The following SNED1 variants were observed in gnomAD, a reference collection of about 807,000 sequenced individuals.
SNED1 encodes the protein sushi, nidogen and EGF like domains 1, also known as sushi, nidogen and EGF-like domain-containing protein 1.
In SNED1, 81 loss-of-function variants were observed where a neutral mutation model predicts 166.7. The observed-to-expected ratio is 0.49, with a 90% CI of 0.41 to 0.58. The LOEUF (loss-of-function observed/expected upper bound fraction) is 0.58, where lower values mean the gene tolerates loss of function less well. Ranked by LOEUF, SNED1 falls within the 20% of genes least tolerant of loss-of-function variation. The pLI is 0.00. For synonymous variants in SNED1, 762 were observed against 822.0 expected, an observed-to-expected ratio of 0.93 and a Z score of 1.25; for missense variants, 1,604 against 2,000.2, an observed-to-expected ratio of 0.80 and a Z score of 3.78.
chr2:241,071,325 C>A, intron 24 of SNED1: 1 of 579,566 alleles, frequency 1.7e-6, no homozygotes, highest in South Asian at 2.0e-5. Flanking sequence ...CTCATGACTC[C>A]CAGGCCAGTG....
chr2:241,023,888 C>CTTTTTTTTTTTTTTTTTTTTT (rs34234341), intron 1 of SNED1, among the ~76,000 whole-genome samples: 17 of 92,008 alleles, frequency 1.8e-4, no homozygotes, highest in Non-Finnish European at 3.1e-4. Context: ...TTTTTTTTTC[C>CTTTTTTTTTTTTTTTTTTTTT]TTTTTTTTTT....
chr2:241,017,598 C>A (rs892353941), intron 1 of SNED1, among the ~76,000 whole-genome samples: 13 of 152,250 alleles, frequency 8.5e-5, no homozygotes, highest in African/African-American at 3.1e-4. Flanking sequence ...GCCTCTCTTA[C>A]CAAGCTACCT....
chr2:241,048,190 G>A lies in SNED1; in HGVS notation c.1274-125G>A, dbSNP rs1029798589. The A allele has an allele frequency of 6.0e-6, 7 of 1,167,716 alleles. No individual in the cohort carries two copies. The African/African-American group carries it at 7.8e-5, about 13-fold the overall frequency. The allele number at this position is 1,167,716 out of a possible 1,614,324, so 72.3% of individuals were successfully genotyped here. A position where few individuals can be genotyped will look rare whatever the true frequency, so the allele number is the denominator to read the frequency against. ...AATCCATTTCCAGAAATAAGCTTCT[G>A]GCTTAAATTCCACTTGGGAATGACA... is the stretch of plus-strand genomic sequence containing the variant. On this transcript the variant is annotated intron_variant, in intron 8 of 31. Coordinates refer to ENST00000310397, the MANE Select transcript of SNED1 (RefSeq NM_001080437.3).
At chr2:241,024,458 A>C (rs1286515996) in intron 1 of SNED1, among the ~76,000 whole-genome samples, 1 of 150,000 alleles carries the variant, frequency 6.7e-6, no homozygotes, top group African/African-American at 2.4e-5. Flanking sequence ...TATGTTGGCC[A>C]GGCTGGTCTT....
At chr2:241,001,470 G>A (rs747380097) in intron 1 of SNED1, among the ~76,000 whole-genome samples, 5 of 152,332 alleles carry the variant, frequency 3.3e-5, no homozygotes, top group South Asian at 4.1e-4. Context: ...GTGGTAAGTC[G>A]TAAGGCTCTG....
At chr2:241,085,405 G>A (rs973786378) in intron 29 of SNED1, among the ~76,000 whole-genome samples, 5 of 152,212 alleles carry the variant, frequency 3.3e-5, no homozygotes, top group African/African-American at 1.2e-4. Flanking sequence ...TTAATACTGT[G>A]TTTTATCATC....
rs1020734015 is a variant in SNED1 at position 240,999,244 on chromosome 2, G to C, written c.213+194G>C. On this transcript the variant is annotated intron_variant, in intron 1 of 31. Transcript: ENST00000310397. This position sits in a 1 kb window ranked among gnomAD's most constrained non-coding sequence, Gnocchi z 5.8. ...GCCCGCGGGAGAGGCGCGCGGGCGG[G>C]GCGGGGGCGGCAGCCGCCGGGCACC... Among the ~76,000 whole-genome samples the C allele has an allele frequency of 6.7e-6, 1 of 149,876 alleles. No individual in the cohort carries two copies. Among genetic ancestry groups the C allele is most frequent in the Non-Finnish European group, 1.5e-5 (1 of 67,208 alleles).
intron 29 of SNED1, among the ~76,000 whole-genome samples, chr2:241,084,625 A>G (rs761190197): frequency 2.6e-5 from 4 of 152,202 alleles, no homozygotes; most frequent in Non-Finnish European, 5.9e-5. Context: ...GAACTGCACT[A>G]TACGTTATTT....
chr2:241,094,426 G>A lies in SNED1; in HGVS notation c.*2790G>A, dbSNP rs1358946815. ...TTTCTTTGCAGTCACGCTGTAAGAC[G>A]AGGCTGCTGGAGAAAACAAAAGCAC... On this transcript the variant is annotated 3_prime_UTR_variant, in exon 32 of 32. Coordinates refer to ENST00000310397, the MANE Select transcript of SNED1 (RefSeq NM_001080437.3). The surrounding 1 kb of genome is among the most constrained non-coding windows in gnomAD (Gnocchi z 4.3). 5 of 470,864 alleles carry A rather than the reference G, an allele frequency of 1.1e-5. No individual in the cohort carries two copies. In the East Asian group the frequency reaches 2.1e-4, roughly 20 times the overall value. The allele number at this position is 470,864 out of a possible 1,614,324, so 29.2% of individuals were successfully genotyped here.
In SNED1 at chr2:241,064,096, A is replaced by T; in HGVS notation, c.2570A>T (p.Glu857Val). The part of the protein sequence containing the change: ...GGGAYLCVCP[E>V]SFFGYHCETV... The stretch of plus-strand genomic sequence containing the variant: ...GGGGCCTACCTGTGCGTCTGCCCAG[A>T]GAGCTTCTTCGGCTACCACTGCGAG... Residue 857 changes from glutamate (E) to valine (V), a missense_variant, in exon 19 of 32, where the codon GAG (glutamate) becomes GTG (valine). By Grantham distance (121) the Glu-to-Val change is moderately radical. Transcript: ENST00000310397. This position sits in a 1 kb window ranked among gnomAD's most constrained non-coding sequence, Gnocchi z 7.0. 3 of 1,567,582 alleles carry T rather than the reference A, an allele frequency of 1.9e-6. No homozygotes were observed. Among genetic ancestry groups the T allele is most frequent in the Non-Finnish European group, 2.6e-6 (3 of 1,157,846 alleles).
At chr2:241,062,085 CAAAAACA>C (rs1367944892) in intron 16 of SNED1, among the ~76,000 whole-genome samples, 2 of 152,094 alleles carry the variant, frequency 1.3e-5, no homozygotes, top group Non-Finnish European at 2.9e-5. Flanking sequence ...TCATAAACAA[CAAAAACA>C]TTCACTATTG....
chr2:241,052,355 C>A lies in SNED1; in HGVS notation c.1970C>A (p.Ala657Asp). 6.4e-7 allele frequency: 1 copy of A among 1,570,142 alleles called. No homozygotes were observed. Among genetic ancestry groups the A allele is most frequent in the Non-Finnish European group, 8.6e-7 (1 of 1,156,700 alleles). The change falls in exon 15 of 32, where the codon GCC (alanine) becomes GAC (aspartate). Residue 657 changes from alanine (A) to aspartate (D), a missense_variant and splice_region_variant. Transcript: ENST00000310397. ...CCAGGACCTTCCTGCATTCTGGCAGCCCCCTCCCCCTGCTTCCGGAGCCCG... is the reference window on the plus strand; with the variant it reads ...CCAGGACCTTCCTGCATTCTGGCAGACCCCTCCCCCTGCTTCCGGAGCCCG... ...PGFSGRHCEIAPSPCFRSPCV... is the reference protein window; with the variant it reads ...PGFSGRHCEIDPSPCFRSPCV...
chr2:241,071,756 C>T (rs1267264405), intron 25 of SNED1, 36 bp downstream of exon 25: 13 of 1,500,348 alleles, frequency 8.7e-6, no homozygotes, highest in East Asian at 7.6e-5. Context: ...TCGCCCGAGG[C>T]GGCGCTCGGA....
chr2:241,014,158 G>A (rs2060501393), intron 1 of SNED1, among the ~76,000 whole-genome samples: 1 of 152,030 alleles, frequency 6.6e-6, no homozygotes, highest in South Asian at 2.1e-4. Context: ...ACAACTGCAT[G>A]CCACCATGCC....
intron 15 of SNED1, 74 bp from the exon 16 acceptor site, chr2:241,053,079 C>T (rs1042740667): frequency 5.6e-6 from 8 of 1,428,590 alleles, no homozygotes; most frequent in Non-Finnish European, 6.7e-6. Context: ...GCAGTCGGGT[C>T]GGGCAGAGGC....
intron 24 of SNED1, among the ~76,000 whole-genome samples, chr2:241,071,062 C>T (rs924477927): frequency 2.0e-5 from 3 of 152,158 alleles, no homozygotes; most frequent in African/African-American, 4.8e-5. Context: ...TGTGAGCCGG[C>T]GTCAGAGTGA....
In SNED1 at chr2:241,075,264, G is replaced by A. The variant is rs1435284243; in HGVS notation, c.3916+1900G>A. On this transcript the variant is annotated intron_variant, in intron 27 of 31. Transcript: ENST00000310397. The surrounding 1 kb of genome is among the most constrained non-coding windows in gnomAD (Gnocchi z 4.8). ...AGTGGAAAAGCTGGATCTAGGATGA[G>A]GATGTGTGAATGCCCAAATTACATG... The A allele has an allele frequency of 6.6e-6, 1 of 152,216 alleles. No homozygotes were observed. Among genetic ancestry groups the A allele is most frequent in the Non-Finnish European group, 1.5e-5 (1 of 68,054 alleles). The allele number at this position is 152,216 out of a possible 1,614,324, so 9.4% of individuals were successfully genotyped here.
intron 1 of SNED1, among the ~76,000 whole-genome samples, chr2:241,019,137 T>C (rs1430562427): frequency 6.7e-6 from 1 of 149,202 alleles, no homozygotes; most frequent in East Asian, 2.0e-4. Flanking sequence ...GCCCATGGTG[T>C]GTGGACCAGG....
intron 31 of SNED1, among the ~76,000 whole-genome samples, chr2:241,090,636 G>T (rs967295728): frequency 1.3e-5 from 2 of 152,152 alleles, no homozygotes; most frequent in Non-Finnish European, 2.9e-5. Flanking sequence ...GGAGGCCGAG[G>T]CCGGCGGATC....
Sources: allele counts gnomAD v4.1 joint callset (sites outside exome capture counted in the v4.1 genomes callset), GRCh38; gene constraint gnomAD v4.1.1; non-coding constraint Gnocchi (gnomAD v3.1); transcripts MANE v1.5; gene names NCBI Gene and HGNC (gene_info 2026-07-23, HGNC 2026-07-21).